TMIGD3: variants seen among roughly 807,000 people sequenced by gnomAD.
TMIGD3 encodes the protein AD026 protein (AD026).
TMIGD3 carries 21 observed loss-of-function variants against 28.1 expected under a neutral mutation model. The observed-to-expected ratio is 0.75, with a 90% CI of 0.53 to 1.08. The LOEUF (loss-of-function observed/expected upper bound fraction) is 1.08. Ranked by LOEUF, TMIGD3 falls within the 50% of genes least tolerant of loss-of-function variation. The pLI, the probability that TMIGD3 is intolerant of heterozygous loss-of-function variation, is 0.00. For missense variants in TMIGD3, 416 were observed against 435.6 expected, an observed-to-expected ratio of 0.96 and a Z score of 0.40; for synonymous variants, 151 against 162.1, an observed-to-expected ratio of 0.93 and a Z score of 0.52.
intron 1 of TMIGD3, among the ~76,000 whole-genome samples, chr1:111,539,542 C>T (rs760235268): frequency 7.9e-5 from 12 of 152,100 alleles, no homozygotes; most frequent in South Asian, 2.1e-4. Context: ...ATAATCCGCC[C>T]GCCTCGGCCT....
At chr1:111,538,925 C>G (rs1223910521) in intron 1 of TMIGD3, among the ~76,000 whole-genome samples, 3 of 152,156 alleles carry the variant, frequency 2.0e-5, no homozygotes, top group African/African-American at 7.2e-5. Context: ...ACATGTGATG[C>G]TTACATTCTT....
upstream of TMIGD3, among the ~76,000 whole-genome samples, chr1:111,507,039 G>A (rs367577357): frequency 2.1e-3 from 263 of 126,124 alleles, 1 homozygote; most frequent in Middle Eastern, 0.014. Flanking sequence ...GTGTGTGTGT[G>A]TATATATATA....
rs574298378 is a variant in TMIGD3, at chr1:111,485,914, T to A, written c.873-74A>T. 4.8e-6 allele frequency: 6 copies of A among 1,238,534 alleles called. No homozygotes were observed. The Admixed American group carries it at 1.2e-4, about 25-fold the overall frequency. The allele number at this position is 1,238,534 out of a possible 1,614,324, so 76.7% of individuals were successfully genotyped here. A position where few individuals can be genotyped will look rare whatever the true frequency, so the allele number is the denominator to read the frequency against. On this transcript the variant is annotated intron_variant, in intron 4 of 5. Transcript: ENST00000369716. ...TTGATTCTCAGCTCTGGATCCCTTT[T>A]TCTGGGATTTGCACCCCTGCCCACC...
intron 1 of TMIGD3, among the ~76,000 whole-genome samples, chr1:111,513,206 T>C (rs1557830537): frequency 6.6e-6 from 1 of 152,220 alleles, no homozygotes; most frequent in Non-Finnish European, 1.5e-5. Context: ...TTTCTGTTTC[T>C]TGAGTGTCAT....
intron 1 of TMIGD3, chr1:111,499,322 G>GGTGA (rs1265247747): frequency 1.6e-6 from 1 of 616,092 alleles, no homozygotes; most frequent in Non-Finnish European, 2.0e-6. Context: ...AGAGTAAGAA[G>GGTGA]GTGAGTATGC....
intron 1 of TMIGD3, among the ~76,000 whole-genome samples, chr1:111,501,835 C>G (rs1175041630): frequency 6.6e-6 from 1 of 151,786 alleles, no homozygotes; most frequent in Non-Finnish European, 1.5e-5. Flanking sequence ...TCTGCTCTTT[C>G]CTCCAGAGAA....
intron 1 of TMIGD3, among the ~76,000 whole-genome samples, chr1:111,549,309 C>CTTTTTT (rs767231547): frequency 8.0e-6 from 1 of 125,590 alleles, no homozygotes; most frequent in African/African-American, 2.9e-5. Flanking sequence ...CAGTCATGGG[C>CTTTTTT]TTTTTTTTTT....
At chr1:111,544,618 G>T (rs1656969424) in intron 1 of TMIGD3, among the ~76,000 whole-genome samples, 1 of 152,052 alleles carries the variant, frequency 6.6e-6, no homozygotes, top group Non-Finnish European at 1.5e-5. Flanking sequence ...ATAAACATTT[G>T]GTTTGTTCCA....
chr1:111,500,251 C>A (rs1238363491), intron 1 of TMIGD3: 11 of 1,614,010 alleles, frequency 6.8e-6, no homozygotes, highest in Non-Finnish European at 9.3e-6. Flanking sequence ...ATAAAATGCA[C>A]CTGTCTCTTT....
rs138598930 is a variant in TMIGD3, at chr1:111,519,942, C to A, written c.108-29180G>T. 8.6e-3 allele frequency among the ~76,000 whole-genome samples: 1,316 copies of A among 152,294 alleles called. 14 individuals are homozygous for A. Among genetic ancestry groups the A allele is most frequent in the African/African-American group, 0.03 (1,259 of 41,548 alleles). ...TCCTGACCTCAGGTGATCCACCTGC[C>A]TCGGCCTCCCAAAATGCTGGGATTA... On this transcript the variant is annotated intron_variant, in intron 1 of 5. Transcript: ENST00000369717.
intron 1 of TMIGD3, among the ~76,000 whole-genome samples, chr1:111,529,700 T>A (rs1359044811): frequency 6.6e-6 from 1 of 151,232 alleles, no homozygotes; most frequent in Non-Finnish European, 1.5e-5. Flanking sequence ...GTCACAGATC[T>A]ACAGGATCCC....
intron 1 of TMIGD3, among the ~76,000 whole-genome samples, chr1:111,545,671 T>A (rs569856739): frequency 1.3e-5 from 2 of 152,292 alleles, no homozygotes; most frequent in Admixed American, 6.5e-5. Context: ...TTGTGCTTTT[T>A]GTGTCATATT....
In TMIGD3 at chr1:111,527,815, T is replaced by C. The variant is rs1454513729; in HGVS notation, c.107+36031A>G. Among the ~76,000 whole-genome samples, 7 of 152,228 alleles carry C rather than the reference T, an allele frequency of 4.6e-5. 1 individual carries two copies. The highest frequency in any genetic ancestry group is 2.6e-4 in the Admixed American group (4 of 15,282). On this transcript the variant is annotated intron_variant, in intron 1 of 5. Coordinates refer to the TMIGD3 transcript ENST00000369717. ...TATATCATCTTTGGTGAGCTGTCTG[T>C]TCAGGTCTTTTGCCCATCTTTTAAT... is the stretch of plus-strand genomic sequence containing the variant.
In TMIGD3 at chr1:111,503,081, T is replaced by G. The variant is rs1267487391; in HGVS notation, c.274A>C (p.Ile92Leu). 6.2e-7 allele frequency: 1 copy of G among 1,614,154 alleles called. No individual in the cohort carries two copies. The highest frequency in any genetic ancestry group is 1.3e-5 in the African/African-American group (1 of 75,038). ...GACATGATGGAGGCGTGGGTAAAGATAAGCAGTAGGCAAGTCATAAAAAGG... is the reference window on the plus strand; with the variant it reads ...GACATGATGGAGGCGTGGGTAAAGAGAAGCAGTAGGCAAGTCATAAAAAGG... ...SCLFMTCLLLIFTHASIMSLL... is the reference protein window; with the variant it reads ...SCLFMTCLLLLFTHASIMSLL... Residue 92 changes from isoleucine (I) to leucine (L), a missense_variant, in exon 1 of 6, where the codon ATC becomes CTC. Physicochemically the swap from Ile to Leu is conservative, Grantham distance 5 (BLOSUM62 2). Transcript: ENST00000369716.
intron 1 of TMIGD3, among the ~76,000 whole-genome samples, chr1:111,530,694 T>C (rs1005284624): frequency 8.5e-5 from 13 of 152,208 alleles, no homozygotes; most frequent in African/African-American, 3.1e-4. Context: ...ATTGTTATCA[T>C]TGTTCCTCTA....
At chr1:111,498,469 A>C (rs1025211407) in intron 1 of TMIGD3, among the ~76,000 whole-genome samples, 3 of 152,356 alleles carry the variant, frequency 2.0e-5, no homozygotes, top group Middle Eastern at 3.4e-3. Flanking sequence ...AAAATCTGGA[A>C]GTCCTCAAGC....
intron 1 of TMIGD3, among the ~76,000 whole-genome samples, chr1:111,509,777 C>T (rs74974298): frequency 0.013 from 1,962 of 152,362 alleles, 30 homozygotes; most frequent in African/African-American, 0.045. Context: ...TGCCAATTCA[C>T]ATGTGCCAGG....
chr1:111,506,610 T>C (rs528696841), upstream of TMIGD3, among the ~76,000 whole-genome samples: 4 of 152,234 alleles, frequency 2.6e-5, no homozygotes, highest in East Asian at 7.7e-4. Context: ...TCTACAAACC[T>C]TTCAAAAGTA....
At chr1:111,491,653 C>T (rs1654670443) in intron 1 of TMIGD3, among the ~76,000 whole-genome samples, 1 of 152,138 alleles carries the variant, frequency 6.6e-6, no homozygotes, top group Non-Finnish European at 1.5e-5. Context: ...TCTACATCAC[C>T]TCAGTTGCTC....
Sources: allele counts gnomAD v4.1 joint callset (sites outside exome capture counted in the v4.1 genomes callset), GRCh38; gene constraint gnomAD v4.1.1; transcripts MANE v1.5; gene names NCBI Gene and HGNC (gene_info 2026-07-23, HGNC 2026-07-21).